SEH1L: variants seen among roughly 807,000 people sequenced by gnomAD.
The protein encoded by SEH1L is nucleoporin SEH1.
SEH1L carries 18 observed loss-of-function variants against 49.5 expected under a neutral mutation model. That is an observed-to-expected ratio of 0.36 (90% CI 0.25 to 0.54). The LOEUF (loss-of-function observed/expected upper bound fraction) is 0.54, where lower values mean the gene tolerates loss of function less well. SEH1L is among the 20% of genes least tolerant of loss of function. The pLI is 0.87. For missense variants in SEH1L, 404 were observed against 528.8 expected, an observed-to-expected ratio of 0.76 and a Z score of 2.31; for synonymous variants, 169 against 178.1, an observed-to-expected ratio of 0.95 and a Z score of 0.41.
intron 1 of SEH1L, 38 bp downstream of exon 1, chr18:12,948,270 G>A (rs553306884): frequency 5.4e-6 from 8 of 1,477,448 alleles, no homozygotes; most frequent in Non-Finnish European, 5.7e-6. Context: ...GACCCCGGAA[G>A]GAAGGAAGGG....
chr18:12,971,883 A>G (rs1348116347), intron 5 of SEH1L: 2 of 152,316 alleles, frequency 1.3e-5, no homozygotes, highest in East Asian at 3.9e-4. Flanking sequence ...AGAAAACTGC[A>G]TGTGGTAAGG....
intron 2 of SEH1L, among the ~76,000 whole-genome samples, chr18:12,954,499 C>T (rs1224748362): frequency 1.3e-5 from 2 of 152,096 alleles, no homozygotes; most frequent in South Asian, 2.1e-4. Flanking sequence ...CAAGTTCTTG[C>T]TCTGTCACCC....
chr18:12,966,675 T>G (rs2031468554), intron 4 of SEH1L, among the ~76,000 whole-genome samples: 1 of 152,220 alleles, frequency 6.6e-6, no homozygotes, highest in African/African-American at 2.4e-5. Flanking sequence ...GTGCTGAGAT[T>G]ACAGGCATGA....
At chr18:12,979,867 CG>C (rs1285380423) in intron 6 of SEH1L, among the ~76,000 whole-genome samples, 1 of 139,560 alleles carries the variant, frequency 7.2e-6, no homozygotes, top group Non-Finnish European at 1.5e-5. Context: ...GCTGGCCGGG[CG>C]GGGGGCTGAC....
At chr18:12,962,609 A>G (rs1165597842) in intron 3 of SEH1L, among the ~76,000 whole-genome samples, 4 of 150,236 alleles carry the variant, frequency 2.7e-5, no homozygotes, top group South Asian at 2.1e-4. Context: ...CTGGGGCCAC[A>G]GGCGTGCACC....
intron 3 of SEH1L, among the ~76,000 whole-genome samples, chr18:12,959,060 C>T (rs12954256): frequency 0.68 from 104,194 of 152,130 alleles, 36,472 homozygotes; most frequent in African/African-American, 0.82. Context: ...TGTGAAGTGG[C>T]ATCTCCATTG....
intron 5 of SEH1L, chr18:12,974,081 T>C (rs1213788430): frequency 6.6e-6 from 1 of 152,098 alleles, no homozygotes; most frequent in African/African-American, 2.4e-5. Context: ...GGAAGTGGTG[T>C]TGGGGAAAGA....
At chr18:12,956,280 G>C (rs563050535) in intron 3 of SEH1L, among the ~76,000 whole-genome samples, 2 of 151,728 alleles carry the variant, frequency 1.3e-5, no homozygotes, top group Admixed American at 1.3e-4. Context: ...TCCTGACCTC[G>C]TGATCTGCCT....
rs1209029690 is a variant in SEH1L, at chr18:12,948,111, C to G, written c.-11C>G. On this transcript the variant is annotated 5_prime_UTR_variant, in exon 1 of 9. Coordinates refer to ENST00000399892, the MANE Select transcript of SEH1L (RefSeq NM_001013437.2). ...ACTGTCCTCTTCGGAGGCGCGGGCC[C>G]GACGGAAACCATGTTTGTGGCTCGC... 2 of 1,605,200 alleles carry G rather than the reference C, an allele frequency of 1.2e-6. No homozygotes were observed. The highest frequency in any genetic ancestry group is 1.3e-5 in the African/African-American group (1 of 74,158).
Position 12,978,859 on chromosome 18 carries a change from A to C in SEH1L, c.728A>C (p.Lys243Thr), listed in dbSNP as rs1342134919. The C allele has an allele frequency of 6.2e-7, 1 of 1,613,940 alleles. No homozygotes were observed. The highest frequency in any genetic ancestry group is 8.5e-7 in the Non-Finnish European group (1 of 1,180,014). ...RSFHILAIAT[K>T]DVRIFTLKPV... ...TTCCATATTCTAGCAATAGCGACCA[A>C]AGATGTGAGAATTTTTACATTAAAG... The change falls in exon 6 of 9, where the codon AAA (lysine) becomes ACA (threonine). Residue 243 changes from lysine (K) to threonine (T), a missense_variant. By Grantham distance (78) the Lys-to-Thr change is moderately conservative. Around this residue, in one of 3 missense-constraint regions of SEH1L, gnomAD observed 342 missense variants for 430.8 expected, o/e 0.79. Coordinates refer to ENST00000399892, the MANE Select transcript of SEH1L (RefSeq NM_001013437.2).
In SEH1L at chr18:12,987,038, C is replaced by G. The variant is rs760235253; in HGVS notation, c.1247C>G (p.Pro416Arg). 1.2e-6 allele frequency: 2 copies of G among 1,607,742 alleles called. No homozygotes were observed. The highest frequency in any genetic ancestry group is 2.7e-5 in the African/African-American group (2 of 74,638). The change falls in exon 9 of 9, where the codon CCT (proline) becomes CGT (arginine). Residue 416 changes from proline to arginine, a missense_variant. Pro to Arg is a moderately radical substitution (Grantham distance 103). Transcript: ENST00000399892. ...RYLSRPLNPL[P>R]ENEGI ...CTCTCTCGGCCTCTTAATCCCTTAC[C>G]TGAGAATGAAGGGATTTAAAACACT...
chr18:12,981,000 C>T (rs1325517893), intron 6 of SEH1L, among the ~76,000 whole-genome samples: 1 of 150,744 alleles, frequency 6.6e-6, no homozygotes, highest in African/African-American at 2.4e-5. Context: ...GGCTGCCGGG[C>T]GGAGGGGCTC....
At chr18:12,978,456 CTCT>C (rs747910187) in intron 5 of SEH1L, 10 of 226,518 alleles carry the variant, frequency 4.4e-5, no homozygotes, top group Non-Finnish European at 6.9e-5. Context: ...TGCGTTTCTT[CTCT>C]TCTTTTTAAA....
intron 2 of SEH1L, among the ~76,000 whole-genome samples, chr18:12,953,853 T>C (rs1049754255): frequency 3.9e-5 from 6 of 152,250 alleles, no homozygotes; most frequent in African/African-American, 1.4e-4. Context: ...TCTATATCTT[T>C]AAAGGCTTTT....
intron 2 of SEH1L, among the ~76,000 whole-genome samples, chr18:12,952,307 A>G (rs546145992): frequency 6.8e-6 from 1 of 146,742 alleles, no homozygotes; most frequent in African/African-American, 2.5e-5. Context: ...ATCTTGGCTC[A>G]CTGCAACCTC....
chr18:12,986,642 ATACT>A (rs375209158), intron 8 of SEH1L: 1 of 1,188,180 alleles, frequency 8.4e-7, no homozygotes, highest in African/African-American at 1.6e-5. Flanking sequence ...TCAAGTTTCT[ATACT>A]TGCTTAAGCA....
chr18:12,978,692 A>G, intron 5 of SEH1L, 60 bp from the exon 6 acceptor site: 5 of 1,396,110 alleles, frequency 3.6e-6, no homozygotes, highest in African/African-American at 2.8e-5. Context: ...AGATGCAGTG[A>G]TGTGTGGATT....
chr18:12,985,169 G>T lies in SEH1L; in HGVS notation c.1070+979G>T. ...CTATTTTTTGATCTGTATTCTTATT[G>T]TGCCAATAACCATCTGTGTTAGATC... is the stretch of plus-strand genomic sequence containing the variant. On this transcript the variant is annotated intron_variant, in intron 8 of 8. Transcript: ENST00000399892. 4 of 1,500,844 alleles carry T rather than the reference G, an allele frequency of 2.7e-6. 1 individual carries two copies. In the South Asian group the frequency reaches 3.6e-5, roughly 14 times the overall value. 93.0% of individuals were successfully genotyped at this position (1,500,844 alleles called of 1,614,324 possible). A position where few individuals can be genotyped will look rare whatever the true frequency, so the allele number is the denominator to read the frequency against.
intron 5 of SEH1L, among the ~76,000 whole-genome samples, chr18:12,975,078 C>T (rs147119478): frequency 5.0e-4 from 75 of 149,416 alleles, no homozygotes; most frequent in African/African-American, 1.7e-3. Context: ...CCGTAACCTC[C>T]GCCCCCTGGG....
Sources: gnomAD v4.1 joint callset for allele counts (sites outside exome capture counted in the v4.1 genomes callset) on GRCh38, gnomAD v4.1.1 for gene constraint, gnomAD v4.1.1 regional missense constraint, MANE v1.5 for transcripts, NCBI Gene and HGNC (gene_info 2026-07-23, HGNC 2026-07-21) for gene names.